Variants in POC1B observed in about 807,000 individuals in gnomAD.
POC1B encodes POC1 centriolar protein homolog B.
POC1B carries 44 observed loss-of-function variants against 60.6 expected under a neutral mutation model. The ratio of observed to expected loss-of-function variants is 0.73; its 90% CI spans 0.57 to 0.93. The LOEUF is 0.93. POC1B is among the 40% of genes least tolerant of loss of function. The pLI is 0.00. For missense variants in POC1B, 555 were observed against 572.3 expected, an observed-to-expected ratio of 0.97 and a Z score of 0.31; for synonymous variants, 180 against 198.9, an observed-to-expected ratio of 0.90 and a Z score of 0.80.
At chr12:89,474,087 T>G (rs1289356056) in intron 4 of POC1B, among the ~76,000 whole-genome samples, 1 of 151,818 alleles carries the variant, frequency 6.6e-6, no homozygotes, top group African/African-American at 2.4e-5. Flanking sequence ...GTGCCTGTAA[T>G]CCCAGCTACT....
At chr12:89,436,905 C>T (rs901403060) in intron 10 of POC1B, among the ~76,000 whole-genome samples, 1 of 152,184 alleles carries the variant, frequency 6.6e-6, no homozygotes, top group Non-Finnish European at 1.5e-5. Flanking sequence ...TCAAGATTCT[C>T]AAATCCAGAT....
intron 10 of POC1B, among the ~76,000 whole-genome samples, chr12:89,448,575 G>A (rs1387658859): frequency 6.6e-6 from 1 of 152,158 alleles, no homozygotes; most frequent in Admixed American, 6.5e-5. Flanking sequence ...AGCAATCAGT[G>A]AATAGTAACA....
chr12:89,442,221 C>T (rs1481049450), intron 10 of POC1B, among the ~76,000 whole-genome samples: 1 of 152,170 alleles, frequency 6.6e-6, no homozygotes, highest in Non-Finnish European at 1.5e-5. Flanking sequence ...CCTAGCAAGG[C>T]AGGCCAACAT....
intron 4 of POC1B, among the ~76,000 whole-genome samples, chr12:89,490,324 T>TTCG (rs1868889635): frequency 1.6e-4 from 24 of 152,032 alleles, no homozygotes; most frequent in Non-Finnish European, 1.5e-5. Context: ...CCAGGCAGTT[T>TTCG]TTGTTGTTGT....
At chr12:89,459,786 A>T (rs1882414437) in intron 9 of POC1B, 68 bp from the exon 10 acceptor site, 3 of 869,148 alleles carry the variant, frequency 3.5e-6, no homozygotes, top group Non-Finnish European at 5.1e-6. Flanking sequence ...TATTTGTAAA[A>T]ACCTGGAGGG....
the POC1B span, among the ~76,000 whole-genome samples, chr12:89,412,121 T>C: frequency 6.6e-6 from 1 of 152,212 alleles, no homozygotes. Context: ...TAGTGTTTCA[T>C]CAGAATTAAG....
chr12:89,454,324 G>A (rs370756330), intron 10 of POC1B, among the ~76,000 whole-genome samples: 2 of 152,090 alleles, frequency 1.3e-5, no homozygotes, highest in Non-Finnish European at 2.9e-5. Context: ...CCCAGAATCC[G>A]ATCGCTTATC....
At chr12:89,495,951 G>C (rs1420905638) in intron 3 of POC1B, among the ~76,000 whole-genome samples, 1 of 152,076 alleles carries the variant, frequency 6.6e-6, no homozygotes, top group Non-Finnish European at 1.5e-5. Flanking sequence ...AGTAGAGACA[G>C]GGTTTCACCA....
At chr12:89,467,729 C>T (rs773275922) in intron 7 of POC1B, 44 bp from the exon 8 acceptor site, 2 of 1,450,644 alleles carry the variant, frequency 1.4e-6, no homozygotes, top group East Asian at 2.3e-5. Flanking sequence ...CTTGGTAATG[C>T]TTTCTCATGG....
intron 6 of POC1B, among the ~76,000 whole-genome samples, chr12:89,471,064 T>A: frequency 6.6e-6 from 1 of 152,228 alleles, no homozygotes; most frequent in Non-Finnish European, 1.5e-5. Flanking sequence ...AATTTCCTTA[T>A]CTTAAAAATG....
At position 89,455,170 on chromosome 12, in the gene POC1B, C is replaced by T. The variant is rs751631768; in HGVS notation, c.1113+4468G>A. ...CCAACATGGTGAAACCCTGTCTGTACTAAAAAATACAAAAATTAGCTGGGC... is the reference window on the plus strand; with the variant it reads ...CCAACATGGTGAAACCCTGTCTGTATTAAAAAATACAAAAATTAGCTGGGC... On this transcript the variant is annotated intron_variant, in intron 10 of 11. Coordinates refer to ENST00000313546, the MANE Select transcript of POC1B (RefSeq NM_172240.3). Among the ~76,000 whole-genome samples, 4 of 152,104 alleles carry T rather than the reference C, an allele frequency of 2.6e-5. 1 individual carries two copies. Among genetic ancestry groups the T allele is most frequent in the African/African-American group, 2.4e-5 (1 of 41,480 alleles).
At position 89,525,994 on chromosome 12, in the gene POC1B, C is replaced by G; in HGVS notation, c.-99G>C. The G allele has an allele frequency of 6.5e-7, 1 of 1,543,316 alleles. No individual in the cohort carries two copies. The highest frequency in any genetic ancestry group is 8.7e-7 in the Non-Finnish European group (1 of 1,145,796). On this transcript the variant is annotated 5_prime_UTR_variant, in exon 1 of 12. Transcript: ENST00000313546. ...GAGGGGACCGTGCGGCTCCCGGAAC[C>G]GTCTGCCCAGAGCGGCAGCGCCTCC...
chr12:89,522,376 T>A, intron 2 of POC1B: 1 of 389,468 alleles, frequency 2.6e-6, no homozygotes, highest in East Asian at 3.6e-5. Context: ...AAATACAAAT[T>A]CTATGTAATC....
chr12:89,502,266 A>G, intron 2 of POC1B: 1 of 1,516,492 alleles, frequency 6.6e-7, no homozygotes. Flanking sequence ...CTAAAGTGAT[A>G]CCAAAGAACA....
intron 2 of POC1B, chr12:89,501,825 A>C: frequency 1.7e-6 from 2 of 1,202,182 alleles, no homozygotes; most frequent in Non-Finnish European, 2.5e-6. Context: ...TTGGGAAAAA[A>C]ACTATTCCAC....
At chr12:89,504,650 G>A (rs1415950908) in intron 2 of POC1B, among the ~76,000 whole-genome samples, 8 of 151,486 alleles carry the variant, frequency 5.3e-5, no homozygotes, top group Non-Finnish European at 1.0e-4. Context: ...AAGTATAGAG[G>A]AAAAGAATGA....
intron 4 of POC1B, among the ~76,000 whole-genome samples, chr12:89,489,029 C>T (rs1217224848): frequency 6.6e-6 from 1 of 152,116 alleles, no homozygotes; most frequent in African/African-American, 2.4e-5. Flanking sequence ...TCACTTTATA[C>T]ATCAATACAA....
chr12:89,446,720 TAAA>T (rs1165290902), intron 10 of POC1B, among the ~76,000 whole-genome samples: 3 of 139,482 alleles, frequency 2.2e-5, no homozygotes, highest in Non-Finnish European at 4.7e-5. Context: ...AAAGTGTAAT[TAAA>T]AAAAAAAAAG....
At chr12:89,479,783 T>G (rs966856882) in intron 4 of POC1B, among the ~76,000 whole-genome samples, 4 of 152,146 alleles carry the variant, frequency 2.6e-5, no homozygotes, top group African/African-American at 9.7e-5. Flanking sequence ...CAGAAACAAT[T>G]GCTCTACTGA....
Sources: allele counts gnomAD v4.1 joint callset (sites outside exome capture counted in the v4.1 genomes callset), GRCh38; gene constraint gnomAD v4.1.1; transcripts MANE v1.5; gene names NCBI Gene and HGNC (gene_info 2026-07-23, HGNC 2026-07-21).